The following MGA variants were observed in gnomAD, a reference collection of about 807,000 sequenced individuals.
MGA encodes the protein MAX gene-associated protein.
MGA carries 40 observed loss-of-function variants against 261.1 expected under a neutral mutation model. The observed-to-expected ratio is 0.15, with a 90% CI of 0.12 to 0.20. The LOEUF is 0.20. Among genes scored for constraint, MGA ranks in the 10% least tolerant of loss-of-function variants. The pLI is 1.00. For synonymous variants in MGA, 1,302 were observed against 1,290.6 expected (o/e 1.01, Z -0.19); for missense variants, 3,397 against 3,630.5 (o/e 0.94, Z 1.65).
intron 15 of MGA, among the ~76,000 whole-genome samples, chr15:41,743,563 G>C (rs920636069): frequency 2.0e-5 from 3 of 152,206 alleles, no homozygotes; most frequent in African/African-American, 7.2e-5. Flanking sequence ...GGTAAGACTG[G>C]AGCTCTGAGC....
intron 23 of MGA, 119 bp downstream of exon 23, chr15:41,765,181 G>T: frequency 8.2e-7 from 1 of 1,213,822 alleles, no homozygotes; most frequent in Non-Finnish European, 1.2e-6. Flanking sequence ...GTTGGCATTT[G>T]CCTTGGTAAG....
chr15:41,693,842 A>T (rs2059413711), intron 2 of MGA, among the ~76,000 whole-genome samples: 1 of 152,172 alleles, frequency 6.6e-6, no homozygotes, highest in South Asian at 2.1e-4. Flanking sequence ...ATATAGTTCA[A>T]TATTTTAGGA....
intron 2 of MGA, among the ~76,000 whole-genome samples, chr15:41,687,329 T>C (rs1440097901): frequency 6.6e-6 from 1 of 152,212 alleles, no homozygotes; most frequent in Non-Finnish European, 1.5e-5. Flanking sequence ...ATTTGTGATG[T>C]GAAAATTAAA....
chr15:41,640,745 C>T (rs553521814), intron 1 of MGA, among the ~76,000 whole-genome samples: 13 of 152,300 alleles, frequency 8.5e-5, no homozygotes, highest in African/African-American at 3.1e-4. Context: ...TCTCAAACTC[C>T]TGACCTCACG....
intron 22 of MGA, 98 bp downstream of exon 22, chr15:41,762,460 G>GT (rs1491528643): frequency 2.6e-4 from 49 of 190,532 alleles, no homozygotes; most frequent in East Asian, 2.5e-3. Context: ...AGTTTTGTGT[G>GT]GTTTTTTTTT....
At chr15:41,718,267 A>C (rs892963193) in intron 9 of MGA, 3 of 220,928 alleles carry the variant, frequency 1.4e-5, no homozygotes, top group Non-Finnish European at 2.6e-5. Context: ...AGATATCTTG[A>C]TATATGTAGT....
chr15:41,710,252 A>G (rs1424100582), intron 7 of MGA, among the ~76,000 whole-genome samples: 1 of 152,168 alleles, frequency 6.6e-6, no homozygotes, highest in Non-Finnish European at 1.5e-5. Context: ...TAAATAATAT[A>G]ATGTGATAGT....
intron 14 of MGA, 64 bp from the exon 15 acceptor site, chr15:41,742,482 A>G (rs1595935575): frequency 6.4e-7 from 1 of 1,558,736 alleles, no homozygotes; most frequent in Non-Finnish European, 8.7e-7. Context: ...GTCGGTAAGC[A>G]CAGTCACTAA....
chr15:41,672,866 G>GCA (rs5812197), intron 2 of MGA, among the ~76,000 whole-genome samples: 24,937 of 150,300 alleles, frequency 0.17, 2,063 homozygotes, highest in South Asian at 0.18. Context: ...ACATGCGTGT[G>GCA]CACACACACA....
At chr15:41,694,771 C>G (rs962578827) in intron 2 of MGA, among the ~76,000 whole-genome samples, 9 of 152,106 alleles carry the variant, frequency 5.9e-5, no homozygotes, top group African/African-American at 2.2e-4. Flanking sequence ...CTCGGCCTCC[C>G]AAAGCACTGG....
intron 1 of MGA, among the ~76,000 whole-genome samples, chr15:41,653,818 T>G (rs1212423773): frequency 6.6e-6 from 1 of 152,212 alleles, no homozygotes. Context: ...TGGAGCTTAG[T>G]TTAAACTAAG....
chr15:41,736,278 C>A lies in MGA; in HGVS notation c.4014C>A (p.Ile1338=), dbSNP rs750430100. The A allele has an allele frequency of 1.9e-6, 3 of 1,613,994 alleles. No individual in the cohort carries two copies. Among genetic ancestry groups the A allele is most frequent in the South Asian group, 2.2e-5 (2 of 91,082 alleles). ...GTGGTCCCACCAAACTGATTGAGATCATCTCAGACTGCAACTGGGAGGAAG... is the reference window on the plus strand; with the variant it reads ...GTGGTCCCACCAAACTGATTGAGATAATCTCAGACTGCAACTGGGAGGAAG... Residue 1338 remains isoleucine, a synonymous_variant, in exon 13 of 24, where the codon ATC becomes ATA. Transcript: ENST00000219905.
intron 5 of MGA, among the ~76,000 whole-genome samples, chr15:41,700,466 T>C (rs2059790396): frequency 6.6e-6 from 1 of 152,132 alleles, no homozygotes; most frequent in Non-Finnish European, 1.5e-5. Context: ...TCATTGTTCA[T>C]CTCCCACTTA....
chr15:41,679,072 G>A (rs1310039604), intron 2 of MGA, among the ~76,000 whole-genome samples: 2 of 152,012 alleles, frequency 1.3e-5, no homozygotes, highest in African/African-American at 4.8e-5. Context: ...GTCTTGCTCT[G>A]TTTCCCAGGC....
rs1168733478 is a variant in MGA, at chr15:41,743,046, A to G, written c.5086A>G (p.Thr1696Ala). The change falls in exon 15 of 24, where the codon ACC (threonine) becomes GCC (alanine). Residue 1696 changes from threonine to alanine, a missense_variant. Physicochemically the swap from Thr to Ala is moderately conservative, Grantham distance 58 (BLOSUM62 0). Transcript: ENST00000219905. ...TCTTCCTGTTGCTTCCACTGCTTCC[A>G]CCTCCTTAGTCGTGGTGACTGCAGC... 3 of 1,613,680 alleles carry G rather than the reference A, an allele frequency of 1.9e-6. No homozygotes were observed. Among genetic ancestry groups the G allele is most frequent in the Non-Finnish European group, 1.7e-6 (2 of 1,179,856 alleles).
intron 3 of MGA, 81 bp downstream of exon 3, chr15:41,697,104 A>G (rs1357722477): frequency 3.4e-6 from 4 of 1,175,414 alleles, no homozygotes; most frequent in Non-Finnish European, 4.6e-6. Context: ...AACTCGATTT[A>G]CAATCTAGTT....
Position 41,742,963 on chromosome 15 carries a change from C to G in MGA, c.5003C>G (p.Thr1668Ser). 6.2e-7 allele frequency: 1 copy of G among 1,613,962 alleles called. No homozygotes were observed. The highest frequency in any genetic ancestry group is 8.5e-7 in the Non-Finnish European group (1 of 1,179,850). ...CTTACCAAAACCACTGGGATAACTA[C>G]CCCTGTGGCTTCAGTTGCTTTTCCT... Residue 1668 changes from threonine (T) to serine (S), a missense_variant, in exon 15 of 24, where the codon ACC (threonine) becomes AGC (serine). Coordinates refer to ENST00000219905, the MANE Select transcript of MGA (RefSeq NM_001164273.2).
chr15:41,635,208 C>T (rs1043617886), intron 1 of MGA, among the ~76,000 whole-genome samples: 1 of 152,066 alleles, frequency 6.6e-6, no homozygotes, highest in Non-Finnish European at 1.5e-5. Flanking sequence ...GTGGCGTGCA[C>T]CTGTAGTCCC....
intron 15 of MGA, among the ~76,000 whole-genome samples, chr15:41,745,147 G>A (rs1006377254): frequency 2.6e-5 from 4 of 152,028 alleles, no homozygotes; most frequent in African/African-American, 9.7e-5. Flanking sequence ...AAAGTGCTTA[G>A]GATTATTACA....
Sources: gnomAD v4.1 joint callset for allele counts (sites outside exome capture counted in the v4.1 genomes callset) on GRCh38, gnomAD v4.1.1 for gene constraint, MANE v1.5 for transcripts, NCBI Gene and HGNC (gene_info 2026-07-23, HGNC 2026-07-21) for gene names.